The following VAV3 variants were observed in gnomAD, a reference collection of about 807,000 sequenced individuals.
VAV3 encodes the protein guanine nucleotide exchange factor VAV3.
In VAV3, 94 loss-of-function variants were observed where a neutral mutation model predicts 131.2. The observed-to-expected ratio is 0.72, with a 90% CI of 0.61 to 0.85. VAV3 has a LOEUF of 0.85. Among genes scored for constraint, VAV3 ranks in the 40% least tolerant of loss-of-function variants. The pLI is 0.00. For missense variants in VAV3, 939 were observed against 1,002.7 expected (o/e 0.94, Z 0.86); for synonymous variants, 349 against 342.0 (o/e 1.02, Z -0.22).
At chr1:107,772,320 A>T (rs1236910006) in intron 5 of VAV3, among the ~76,000 whole-genome samples, 1 of 152,146 alleles carries the variant, frequency 6.6e-6, no homozygotes. Flanking sequence ...ATTAACACTT[A>T]ACAAATGTGA....
At chr1:107,650,940 T>C (rs543566167) in intron 19 of VAV3, among the ~76,000 whole-genome samples, 21 of 152,100 alleles carry the variant, frequency 1.4e-4, no homozygotes, top group Non-Finnish European at 2.4e-4. Context: ...ATATACACCA[T>C]GGAATACTAT....
chr1:107,598,081 T>C (rs982076744), intron 24 of VAV3, among the ~76,000 whole-genome samples: 1 of 152,172 alleles, frequency 6.6e-6, no homozygotes, highest in Admixed American at 6.5e-5. Context: ...GAGCCAGGCA[T>C]GGTGGTTCAT....
At chr1:107,831,121 T>TA (rs1370920129) in intron 2 of VAV3, among the ~76,000 whole-genome samples, 2 of 152,024 alleles carry the variant, frequency 1.3e-5, no homozygotes, top group Non-Finnish European at 2.9e-5. Flanking sequence ...AAGATCTTGC[T>TA]AAAACAGTAG....
intron 19 of VAV3, chr1:107,668,999 G>T: frequency 2.0e-6 from 2 of 1,011,342 alleles, no homozygotes; most frequent in Non-Finnish European, 2.4e-6. Flanking sequence ...TTCTAAGGGA[G>T]TCAGCGCTGA....
chr1:107,849,748 AC>A (rs1669134666), intron 2 of VAV3, among the ~76,000 whole-genome samples: 1 of 152,224 alleles, frequency 6.6e-6, no homozygotes, highest in Admixed American at 6.5e-5. Flanking sequence ...GATCTTCTAC[AC>A]AGCAAAAGAA....
At chr1:107,829,628 C>T (rs1230518768) in intron 2 of VAV3, among the ~76,000 whole-genome samples, 2 of 152,054 alleles carry the variant, frequency 1.3e-5, no homozygotes, top group African/African-American at 4.8e-5. Context: ...CATTTGGCAG[C>T]TGCAGTCACA....
At chr1:107,619,850 C>A (rs564807970) in intron 20 of VAV3, among the ~76,000 whole-genome samples, 2 of 152,236 alleles carry the variant, frequency 1.3e-5, no homozygotes, top group African/African-American at 2.4e-5. Flanking sequence ...GTATGTTGGC[C>A]AATGTAATGC....
chr1:107,884,270 G>A (rs1489253959), intron 1 of VAV3, among the ~76,000 whole-genome samples: 1 of 151,558 alleles, frequency 6.6e-6, no homozygotes, highest in East Asian at 1.9e-4. Flanking sequence ...TATCACAAAG[G>A]ATAAATGTTT....
At chr1:107,899,795 G>A (rs536119747) in intron 1 of VAV3, among the ~76,000 whole-genome samples, 44 of 152,232 alleles carry the variant, frequency 2.9e-4, no homozygotes, top group Middle Eastern at 3.4e-3. Flanking sequence ...ATAATAACTG[G>A]TGAATTAGGT....
rs1017904002 is a variant in VAV3, at chr1:107,964,577, C to T, written c.204+89G>A. 8 of 1,424,054 alleles carry T rather than the reference C, an allele frequency of 5.6e-6. No individual in the cohort carries two copies. In the African/African-American group the frequency reaches 5.6e-5, roughly 10 times the overall value. 88.2% of individuals were successfully genotyped at this position (1,424,054 alleles called of 1,614,324 possible). ...GGGAAGCAGGGCAAGCTCAGCGCACCTAGACGTTTGCATTTACACAAAGAA... is the reference window on the plus strand; with the variant it reads ...GGGAAGCAGGGCAAGCTCAGCGCACTTAGACGTTTGCATTTACACAAAGAA... On this transcript the variant is annotated intron_variant, in intron 1 of 26. Coordinates refer to ENST00000370056, the MANE Select transcript of VAV3 (RefSeq NM_006113.5).
intron 15 of VAV3, among the ~76,000 whole-genome samples, chr1:107,722,767 T>G (rs1370134337): frequency 6.6e-6 from 1 of 151,790 alleles, no homozygotes; most frequent in Non-Finnish European, 1.5e-5. Context: ...TGGGCTTCTT[T>G]TTAAAGAGTG....
chr1:107,730,355 A>T (rs553551013), intron 15 of VAV3, among the ~76,000 whole-genome samples: 18 of 152,364 alleles, frequency 1.2e-4, no homozygotes, highest in Admixed American at 3.9e-4. Flanking sequence ...ATAATTGGCC[A>T]GGGCTTAGCC....
chr1:107,859,659 G>A (rs947776919), intron 2 of VAV3, among the ~76,000 whole-genome samples: 1 of 152,024 alleles, frequency 6.6e-6, no homozygotes. Context: ...ACTCAAAGAG[G>A]AGCAGTATAA....
intron 1 of VAV3, among the ~76,000 whole-genome samples, chr1:107,945,833 AAAAAGAAAG>A (rs1303917325): frequency 1.6e-5 from 1 of 62,978 alleles, no homozygotes; most frequent in African/African-American, 4.0e-5. Context: ...AAAAAAAAAA[AAAAAGAAAG>A]AAAGAAAAGA....
At chr1:107,854,869 G>A (rs774999667) in intron 2 of VAV3, among the ~76,000 whole-genome samples, 1 of 152,166 alleles carries the variant, frequency 6.6e-6, no homozygotes, top group East Asian at 1.9e-4. Flanking sequence ...ATTTTAACAT[G>A]CTAAAGTTTA....
At chr1:107,661,422 G>A (rs929364312) in intron 19 of VAV3, among the ~76,000 whole-genome samples, 2 of 152,208 alleles carry the variant, frequency 1.3e-5, no homozygotes, top group Middle Eastern at 3.4e-3. Context: ...CAATGTCTTC[G>A]CAACCCTCCC....
At chr1:107,866,822 CAAAAAAAA>C (rs66866060) in intron 2 of VAV3, among the ~76,000 whole-genome samples, 826 of 59,200 alleles carry the variant, frequency 0.014, 7 homozygotes, top group African/African-American at 0.065. Flanking sequence ...GACTCCATCT[CAAAAAAAA>C]AAAAAAAAAA....
chr1:107,769,337 C>T (rs145467336), intron 6 of VAV3, among the ~76,000 whole-genome samples: 225 of 152,342 alleles, frequency 1.5e-3, no homozygotes, highest in Middle Eastern at 6.8e-3. Context: ...TAAGCATGGA[C>T]ATTACCGATC....
At chr1:107,677,793 T>G (rs1304615907) in intron 19 of VAV3, 1 of 152,198 alleles carries the variant, frequency 6.6e-6, no homozygotes, top group African/African-American at 2.4e-5. Context: ...AGCACCCCCA[T>G]GCACATCTCC....
Sources: gnomAD v4.1 joint callset for allele counts (sites outside exome capture counted in the v4.1 genomes callset) on GRCh38, gnomAD v4.1.1 for gene constraint, MANE v1.5 for transcripts, NCBI Gene and HGNC (gene_info 2026-07-23, HGNC 2026-07-21) for gene names.